Variants in ZAP70 observed in about 807,000 individuals in gnomAD.
The protein encoded by ZAP70 is zeta chain of T cell receptor associated protein kinase 70.
ZAP70 carries 27 observed loss-of-function variants against 65.8 expected under a neutral mutation model. That is an observed-to-expected ratio of 0.41 (90% CI 0.30 to 0.57). The LOEUF (loss-of-function observed/expected upper bound fraction) is 0.57. Ranked by LOEUF, ZAP70 falls within the 20% of genes least tolerant of loss-of-function variation. The pLI is 0.28. For synonymous variants in ZAP70, 363 were observed against 360.8 expected, an observed-to-expected ratio of 1.01 and a Z score of -0.07; for missense variants, 696 against 870.5, an observed-to-expected ratio of 0.80 and a Z score of 2.52.
At chr2:97,733,669 G>A in intron 8 of ZAP70, 74 bp downstream of exon 8, 1 of 1,588,064 alleles carries the variant, frequency 6.3e-7, no homozygotes, top group South Asian at 1.1e-5. Flanking sequence ...CAGGGCTGTG[G>A]GGTTTCACGG....
rs1191305811 is a variant in ZAP70, at chr2:97,724,946, C to T, written c.403-146C>T. 8 of 1,534,318 alleles carry T rather than the reference C, an allele frequency of 5.2e-6. No homozygotes were observed. In the Admixed American group the frequency reaches 7.8e-5, roughly 15 times the overall value. ...TGGGGAGGGGACCACGGAGATGGCG[C>T]GGAGGTAGTCCTCGAAAACCTGCCT... On this transcript the variant is annotated intron_variant, in intron 3 of 13. Transcript: ENST00000264972.
chr2:97,724,280 G>A lies in ZAP70; in HGVS notation c.244G>A (p.Glu82Lys), dbSNP rs1388859022. The part of the protein sequence containing the change: ...AGGKAHCGPA[E>K]LCEFYSRDPD... ...CGGCAAAGCGCACTGTGGACCGGCA[G>A]AGCTCTGCGAGTTCTACTCGCGCGA... is the stretch of plus-strand genomic sequence containing the variant. Residue 82 changes from glutamate (E) to lysine (K), a missense_variant, in exon 3 of 14, where the codon GAG becomes AAG. This residue lies in a region of ZAP70 where 551 missense variants were observed against 630.0 expected (regional missense o/e 0.87). Coordinates refer to ENST00000264972, the MANE Select transcript of ZAP70 (RefSeq NM_001079.4). 4 of 1,602,342 alleles carry A rather than the reference G, an allele frequency of 2.5e-6. No individual in the cohort carries two copies. The South Asian group carries it at 3.3e-5, about 13-fold the overall frequency.
the ZAP70 span, among the ~76,000 whole-genome samples, chr2:97,753,181 C>G: frequency 3.9e-5 from 6 of 152,182 alleles, no homozygotes; most frequent in African/African-American, 1.4e-4. Context: ...TATCCTTTTT[C>G]TTTACCTACA....
the ZAP70 span, among the ~76,000 whole-genome samples, chr2:97,747,832 T>G: frequency 7.4e-6 from 1 of 134,670 alleles, no homozygotes; most frequent in Non-Finnish European, 1.6e-5. Flanking sequence ...TTTTTTTTTT[T>G]TTTTTTTTTT....
intron 4 of ZAP70, among the ~76,000 whole-genome samples, chr2:97,726,982 G>T (rs1236144735): frequency 6.6e-6 from 1 of 152,214 alleles, no homozygotes; most frequent in Non-Finnish European, 1.5e-5. Context: ...GCCTGAATAG[G>T]CTGGGATGGC....
Position 97,734,728 on chromosome 2 carries a change from C to A in ZAP70, c.1082+16C>A, listed in dbSNP as rs201365297. On this transcript the variant is annotated intron_variant, in intron 9 of 13. Transcript: ENST00000264972. ...GCATGCGCAAGTATGGCCGCCCCTG[C>A]CGTGGTGGGAGCACCGCCGCCTGGG... 6 of 1,612,678 alleles carry A rather than the reference C, an allele frequency of 3.7e-6. No individual in the cohort carries two copies. Among genetic ancestry groups the A allele is most frequent in the Non-Finnish European group, 5.1e-6 (6 of 1,179,858 alleles).
chr2:97,737,647 C>T lies in ZAP70; in HGVS notation c.1464C>T (p.Ala488=), dbSNP rs200348949. The part of the protein sequence containing the change: ...SDFGLSKALG[A]DDSYYTARSA... ...TTGGCCTCTCCAAAGCACTGGGTGC[C>T]GACGACAGCTACTACACTGTAAGCC... The change falls in exon 11 of 14, where the codon GCC becomes GCT. Residue 488 remains alanine, a synonymous_variant. Transcript: ENST00000264972. This position sits in a 1 kb window ranked among gnomAD's most constrained non-coding sequence, Gnocchi z 5.0. The T allele has an allele frequency of 7.4e-6, 12 of 1,613,912 alleles. No homozygotes were observed. Among genetic ancestry groups the T allele is most frequent in the East Asian group, 2.2e-5 (1 of 44,900 alleles).
intron 3 of ZAP70, 181 bp from the exon 4 acceptor site, chr2:97,724,911 C>T (rs1185432717): frequency 2.0e-6 from 3 of 1,533,712 alleles, no homozygotes; most frequent in Non-Finnish European, 2.6e-6. Flanking sequence ...TGGTTCCTCC[C>T]TAGCTGGATT....
downstream of ZAP70, among the ~76,000 whole-genome samples, chr2:97,742,157 A>G (rs999073040): frequency 1.3e-5 from 2 of 152,196 alleles, no homozygotes; most frequent in African/African-American, 4.8e-5. Flanking sequence ...GGTGATCAAG[A>G]TGGGAGGTCA....
chr2:97,739,747 CT>C lies in ZAP70; in HGVS notation c.*250del. 1 of 592,538 alleles carries C rather than the reference CT, an allele frequency of 1.7e-6. No individual in the cohort carries two copies. Among genetic ancestry groups the C allele is most frequent in the Non-Finnish European group, 2.9e-6 (1 of 339,452 alleles). The allele number at this position is 592,538 out of a possible 1,614,324, so 36.7% of individuals were successfully genotyped here. A position where few individuals can be genotyped will look rare whatever the true frequency, so the allele number is the denominator to read the frequency against. On this transcript the variant is annotated 3_prime_UTR_variant, in exon 14 of 14. Transcript: ENST00000264972. Reference sequence around the variant, plus strand: ...CTGGGCTGGTGGCTCCCGGAGGGCCCTGAGCTGAGGGCATTGCTTACACGGA... The same window carrying C: ...CTGGGCTGGTGGCTCCCGGAGGGCCCGAGCTGAGGGCATTGCTTACACGGA...
chr2:97,752,004 T>C, the ZAP70 span, among the ~76,000 whole-genome samples: 3 of 152,134 alleles, frequency 2.0e-5, no homozygotes, highest in African/African-American at 4.8e-5. Flanking sequence ...AACCACAGCA[T>C]TGGTCTGGAA....
rs1349392701 is a variant in ZAP70, at chr2:97,733,290, C to T, written c.791-7C>T. The T allele has an allele frequency of 1.9e-6, 3 of 1,605,070 alleles. No individual in the cohort carries two copies. The highest frequency in any genetic ancestry group is 2.6e-6 in the Non-Finnish European group (3 of 1,174,926). The stretch of plus-strand genomic sequence containing the variant: ...CCCAGCCCTCACTGTCCCTTCTGCT[C>T]CCCCAGGGGCTGCTGCTCCCACACT... On this transcript the variant is annotated splice_region_variant and splice_polypyrimidine_tract_variant and intron_variant, in intron 6 of 13. Transcript: ENST00000264972.
At position 97,737,646 on chromosome 2, in the gene ZAP70, C is replaced by T; in HGVS notation, c.1463C>T (p.Ala488Val). ...TTTGGCCTCTCCAAAGCACTGGGTGCCGACGACAGCTACTACACTGTAAGC... is the reference window on the plus strand; with the variant it reads ...TTTGGCCTCTCCAAAGCACTGGGTGTCGACGACAGCTACTACACTGTAAGC... ...SDFGLSKALG[A>V]DDSYYTARSA... The change falls in exon 11 of 14, where the codon GCC becomes GTC. Residue 488 changes from alanine to valine, a missense_variant. Ala to Val is a moderately conservative substitution (Grantham distance 64, BLOSUM62 0). Transcript: ENST00000264972. The surrounding 1 kb of genome is among the most constrained non-coding windows in gnomAD (Gnocchi z 5.0). 1 of 1,614,060 alleles carries T rather than the reference C, an allele frequency of 6.2e-7. No homozygotes were observed. Among genetic ancestry groups the T allele is most frequent in the South Asian group, 1.1e-5 (1 of 91,086 alleles).
chr2:97,735,586 C>T, intron 10 of ZAP70, 130 bp downstream of exon 10: 1 of 1,064,892 alleles, frequency 9.4e-7, no homozygotes, highest in Non-Finnish European at 1.3e-6. Context: ...GACACACTCT[C>T]AGCCTGCACA....
Position 97,737,726 on chromosome 2 carries a change from C to T in ZAP70, c.1483-31C>T, listed in dbSNP as rs200149598. On this transcript the variant is annotated intron_variant, in intron 11 of 13. Transcript: ENST00000264972. The surrounding 1 kb of genome is among the most constrained non-coding windows in gnomAD (Gnocchi z 5.0). The stretch of plus-strand genomic sequence containing the variant: ...GCTGGGTGGGTAGAGGGTCCCTGAC[C>T]CCTGATCCAGCAGCATCTCCCCCTC... The T allele has an allele frequency of 1.9e-5, 30 of 1,613,968 alleles. No individual in the cohort carries two copies. The South Asian group carries it at 2.7e-4, about 15-fold the overall frequency.
chr2:97,754,689 C>T, the ZAP70 span, among the ~76,000 whole-genome samples: 3 of 152,148 alleles, frequency 2.0e-5, no homozygotes, highest in Non-Finnish European at 4.4e-5. Flanking sequence ...AGGTGTGAGC[C>T]CCAGCGCCTG....
intron 2 of ZAP70, among the ~76,000 whole-genome samples, chr2:97,718,132 A>C (rs1372445420): frequency 6.6e-6 from 1 of 152,046 alleles, no homozygotes; most frequent in African/African-American, 2.4e-5. Flanking sequence ...GCGGCTCCTA[A>C]CCCAAGTCCT....
At chr2:97,726,704 A>C (rs1677401545) in intron 4 of ZAP70, among the ~76,000 whole-genome samples, 1 of 152,232 alleles carries the variant, frequency 6.6e-6, no homozygotes, top group African/African-American at 2.4e-5. Context: ...TACCATACAG[A>C]TTCAGATTTA....
chr2:97,732,821 G>A (rs1259366733), intron 4 of ZAP70, 62 bp from the exon 5 acceptor site: 48 of 1,608,208 alleles, frequency 3.0e-5, no homozygotes, highest in South Asian at 1.0e-4. Flanking sequence ...CGGGGGAACC[G>A]GGGCACAGCA....
Sources: allele counts gnomAD v4.1 joint callset (sites outside exome capture counted in the v4.1 genomes callset), GRCh38; gene constraint gnomAD v4.1.1; regional missense constraint gnomAD v4.1.1; non-coding constraint Gnocchi (gnomAD v3.1); transcripts MANE v1.5; gene names NCBI Gene and HGNC (gene_info 2026-07-23, HGNC 2026-07-21).